FNDC1: variants seen among roughly 807,000 people sequenced by gnomAD.
The protein encoded by FNDC1 is fibronectin type III domain containing 1.
A neutral mutation model predicts 168.0 loss-of-function variants in FNDC1; 96 were observed. The observed-to-expected ratio is 0.57, with a 90% CI of 0.48 to 0.68. The LOEUF (loss-of-function observed/expected upper bound fraction) is 0.68, where lower values mean the gene tolerates loss of function less well. Among genes scored for constraint, FNDC1 ranks in the 30% least tolerant of loss-of-function variants. The probability of loss-of-function intolerance (pLI) is 0.00; values close to 1 mark genes in which losing one functional copy is unlikely to be tolerated. For synonymous variants in FNDC1, 1,099 were observed against 1,025.9 expected, an observed-to-expected ratio of 1.07 and a Z score of -1.36; for missense variants, 2,587 against 2,482.1, an observed-to-expected ratio of 1.04 and a Z score of -0.90.
chr6:159,233,184 A>C lies in FNDC1; in HGVS notation c.2672A>C (p.Asn891Thr). The C allele has an allele frequency of 6.2e-7, 1 of 1,611,420 alleles. No individual in the cohort carries two copies. The highest frequency in any genetic ancestry group is 8.5e-7 in the Non-Finnish European group (1 of 1,179,006). The part of the protein sequence containing the change: ...DEKPLPATVV[N>T]DHVPSSSRQP... Reference sequence around the variant, plus strand: ...AAGCCGCTTCCTGCCACCGTTGTCAATGACCACGTGCCTTCCTCCTCCAGG... The same window carrying C: ...AAGCCGCTTCCTGCCACCGTTGTCACTGACCACGTGCCTTCCTCCTCCAGG... The change falls in exon 11 of 23, where the codon AAT becomes ACT. Residue 891 changes from asparagine to threonine, a missense_variant. Coordinates refer to ENST00000297267, the MANE Select transcript of FNDC1 (RefSeq NM_032532.3). This position sits in a 1 kb window ranked among gnomAD's most constrained non-coding sequence, Gnocchi z 4.6.
In FNDC1 at chr6:159,249,159, T is replaced by C; in HGVS notation, c.4811T>C (p.Leu1604Pro). 1 of 1,611,200 alleles carries C rather than the reference T, an allele frequency of 6.2e-7. No homozygotes were observed. Among genetic ancestry groups the C allele is most frequent in the Middle Eastern group, 1.7e-4 (1 of 6,058 alleles). ...TCCTTTCCTGAAGAAGAATTTGATC[T>C]GGCTGGAAGGAAACGATTTGTTGGT... ...ISSFPEEEFD[L>P]AGRKRFVAPY... The change falls in exon 16 of 23, where the codon CTG (leucine) becomes CCG (proline). Residue 1604 changes from leucine (L) to proline (P), a missense_variant. Coordinates refer to ENST00000297267, the MANE Select transcript of FNDC1 (RefSeq NM_032532.3).
rs572931227 is a variant in FNDC1, at chr6:159,204,993, C to G, written c.460+4412C>G. 2.9e-3 allele frequency among the ~76,000 whole-genome samples: 435 copies of G among 152,246 alleles called. 4 individuals carry two copies. Among genetic ancestry groups the G allele is most frequent in the Non-Finnish European group, 4.0e-3 (272 of 68,030 alleles). On this transcript the variant is annotated intron_variant, in intron 4 of 22. Coordinates refer to ENST00000297267, the MANE Select transcript of FNDC1 (RefSeq NM_032532.3). ...CTCTCCCTTCTTCTCCCTCCTGAAC[C>G]CTCACTGCTCCCTGCCCTCCTGCTG...
intron 7 of FNDC1, among the ~76,000 whole-genome samples, chr6:159,225,172 A>C (rs1244544491): frequency 7.2e-6 from 1 of 139,186 alleles, no homozygotes; most frequent in Non-Finnish European, 1.5e-5. Flanking sequence ...AGTAGACACA[A>C]ATACAGACAC....
rs1777748976 is a variant in FNDC1, at chr6:159,271,508, G to GT, written c.*67dup. On this transcript the variant is annotated 3_prime_UTR_variant, in exon 23 of 23. Coordinates refer to ENST00000297267, the MANE Select transcript of FNDC1 (RefSeq NM_032532.3). The stretch of plus-strand genomic sequence containing the variant: ...CACCAACTAAGTCGCACTAGGGGCT[G>GT]TGAGCAAAGACAGCCAGCGTGCTCA... 6.1e-5 allele frequency: 78 copies of GT among 1,271,156 alleles called. No homozygotes were observed. In the South Asian group the frequency reaches 9.8e-4, roughly 16 times the overall value. The allele number at this position is 1,271,156 out of a possible 1,614,324, so 78.7% of individuals were successfully genotyped here. A position where few individuals can be genotyped will look rare whatever the true frequency, so the allele number is the denominator to read the frequency against.
chr6:159,198,434 T>C (rs898743076), intron 2 of FNDC1, among the ~76,000 whole-genome samples: 5 of 152,116 alleles, frequency 3.3e-5, no homozygotes, highest in Non-Finnish European at 5.9e-5. Flanking sequence ...CTTCTCCACC[T>C]CCTGCATTTG....
chr6:159,256,232 A>G (rs1777369687), intron 17 of FNDC1, among the ~76,000 whole-genome samples: 1 of 152,164 alleles, frequency 6.6e-6, no homozygotes, highest in Non-Finnish European at 1.5e-5. Flanking sequence ...TGTGATCAAG[A>G]TGAGACGTGA....
intron 12 of FNDC1, among the ~76,000 whole-genome samples, chr6:159,237,723 C>T (rs1446177364): frequency 6.6e-6 from 1 of 152,208 alleles, no homozygotes; most frequent in Admixed American, 6.5e-5. Flanking sequence ...TTCACCCAAA[C>T]TACTTCTCAA....
rs1212727341 is a variant in FNDC1, at chr6:159,221,401, G to A, written c.668-197G>A. The stretch of plus-strand genomic sequence containing the variant: ...CAGTTCCCTATTTTCTAACATAATA[G>A]TGTTCTTTTTGAGTTTAATTCCTGC... On this transcript the variant is annotated intron_variant, in intron 5 of 22. Transcript: ENST00000297267. Among the ~76,000 whole-genome samples the A allele has an allele frequency of 2.6e-5, 4 of 152,268 alleles. No homozygotes were observed. In the East Asian group the frequency reaches 5.8e-4, roughly 22 times the overall value.
chr6:159,200,407 G>C, intron 3 of FNDC1, 106 bp from the exon 4 acceptor site: 1 of 880,988 alleles, frequency 1.1e-6, no homozygotes, highest in Non-Finnish European at 1.8e-6. Context: ...AGATCCTTTT[G>C]AAGATGGTTG....
At chr6:159,183,475 C>G (rs1781925017) in intron 1 of FNDC1, among the ~76,000 whole-genome samples, 1 of 152,178 alleles carries the variant, frequency 6.6e-6, no homozygotes, top group African/African-American at 2.4e-5. Context: ...CACACTGGAG[C>G]TCAGAGGGGA....
In FNDC1 at chr6:159,238,586, T is replaced by C. The variant is rs1393356448; in HGVS notation, c.4101T>C (p.Asn1367=). The C allele has an allele frequency of 4.3e-6, 7 of 1,612,000 alleles. No homozygotes were observed. The East Asian group carries it at 1.6e-4, about 36-fold the overall frequency. The change falls in exon 13 of 23, where the codon AAT becomes AAC. Residue 1367 remains asparagine, a synonymous_variant. Transcript: ENST00000297267. ...VVDLDRGLVL[N]AEGRYLQDSH... is the part of the protein sequence containing the mutation. Reference sequence around the variant, plus strand: ...ACCTTGATCGTGGGTTAGTATTGAATGCAGAAGGAAGGTACCTCCAAGATT... The same window carrying C: ...ACCTTGATCGTGGGTTAGTATTGAACGCAGAAGGAAGGTACCTCCAAGATT...
In FNDC1 at chr6:159,169,981, A is replaced by G. The variant is rs908711619; in HGVS notation, c.109+276A>G. On this transcript the variant is annotated intron_variant, in intron 1 of 22. Transcript: ENST00000297267. The surrounding 1 kb of genome is among the most constrained non-coding windows in gnomAD (Gnocchi z 6.8). Reference sequence around the variant, plus strand: ...TCTAAGTGTCCCGGGAGATTCAGGCACAGCGGGGAAAAAAGGAAAAGAAAG... The same window carrying G: ...TCTAAGTGTCCCGGGAGATTCAGGCGCAGCGGGGAAAAAAGGAAAAGAAAG... 22 of 190,760 alleles carry G rather than the reference A, an allele frequency of 1.2e-4. No individual in the cohort carries two copies. The highest frequency in any genetic ancestry group is 4.9e-4 in the African/African-American group (21 of 42,634). 11.8% of individuals were successfully genotyped at this position (190,760 alleles called of 1,614,324 possible). A position where few individuals can be genotyped will look rare whatever the true frequency, so the allele number is the denominator to read the frequency against.
chr6:159,216,196 A>G (rs1782706539), intron 5 of FNDC1, among the ~76,000 whole-genome samples: 1 of 152,208 alleles, frequency 6.6e-6, no homozygotes, highest in Admixed American at 6.5e-5. Context: ...TCCTGAATTC[A>G]GATGATCCAC....
At chr6:159,216,290 G>C (rs1782708395) in intron 5 of FNDC1, among the ~76,000 whole-genome samples, 1 of 152,218 alleles carries the variant, frequency 6.6e-6, no homozygotes, top group Non-Finnish European at 1.5e-5. Flanking sequence ...ATCCAATCAA[G>C]TTGACACTCA....
rs1783419493 is a variant in FNDC1 at position 159,241,485 on chromosome 6, C to T, written c.4621+1528C>T. 2.0e-5 allele frequency among the ~76,000 whole-genome samples: 3 copies of T among 152,248 alleles called. No individual in the cohort carries two copies. The South Asian group carries it at 6.2e-4, about 32-fold the overall frequency. On this transcript the variant is annotated intron_variant, in intron 14 of 22. Transcript: ENST00000297267. ...AAATCATAACATATATATGTTCACT[C>T]CTGTCCAGTCTCCTGATTCCCTAGT...
At position 159,232,847 on chromosome 6, in the gene FNDC1, G is replaced by A; in HGVS notation, c.2335G>A (p.Glu779Lys). Residue 779 changes from glutamate to lysine, a missense_variant, in exon 11 of 23, where the codon GAG becomes AAG. Glu to Lys is a moderately conservative substitution (Grantham distance 56). Coordinates refer to ENST00000297267, the MANE Select transcript of FNDC1 (RefSeq NM_032532.3). This position sits in a 1 kb window ranked among gnomAD's most constrained non-coding sequence, Gnocchi z 4.9. The part of the protein sequence containing the change: ...SHLSSRTQVS[E>K]GAEASDGESH... ...TCTCTCGTCCAGGACGCAGGTCTCT[G>A]AGGGAGCGGAGGCTTCTGATGGTGA... The A allele has an allele frequency of 1.2e-6, 2 of 1,613,836 alleles. No homozygotes were observed. The highest frequency in any genetic ancestry group is 1.7e-6 in the Non-Finnish European group (2 of 1,179,896).
At chr6:159,216,626 G>T (rs1415398633) in intron 5 of FNDC1, among the ~76,000 whole-genome samples, 6 of 152,220 alleles carry the variant, frequency 3.9e-5, no homozygotes, top group African/African-American at 1.4e-4. Flanking sequence ...CATGGGGCAA[G>T]CATAACTGGG....
chr6:159,214,568 G>A (rs1204142592), intron 4 of FNDC1, among the ~76,000 whole-genome samples: 1 of 152,168 alleles, frequency 6.6e-6, no homozygotes, highest in East Asian at 1.9e-4. Context: ...AGCACATAAT[G>A]TCTCTCTGCT....
intron 1 of FNDC1, among the ~76,000 whole-genome samples, chr6:159,170,637 A>C (rs540100544): frequency 2.0e-5 from 3 of 152,334 alleles, no homozygotes; most frequent in Admixed American, 6.5e-5. Context: ...CGAGGGTACC[A>C]GTTTTATGAT....
Sources: allele counts gnomAD v4.1 joint callset (sites outside exome capture counted in the v4.1 genomes callset), GRCh38; gene constraint gnomAD v4.1.1; non-coding constraint Gnocchi (gnomAD v3.1); transcripts MANE v1.5; gene names NCBI Gene and HGNC (gene_info 2026-07-23, HGNC 2026-07-21).